MYO5B: variants seen among roughly 807,000 people sequenced by gnomAD.
The protein encoded by MYO5B is unconventional myosin-Vb.
In MYO5B, 143 loss-of-function variants were observed where a neutral mutation model predicts 229.3. The observed-to-expected ratio is 0.62, with a 90% CI of 0.54 to 0.72. The LOEUF is 0.72. Ranked by LOEUF, MYO5B falls within the 30% of genes least tolerant of loss-of-function variation. The pLI, the probability that MYO5B is intolerant of heterozygous loss-of-function variation, is 0.00. For missense variants in MYO5B, 2,321 were observed against 2,331.0 expected (o/e 1.00, Z 0.09); for synonymous variants, 918 against 885.2 (o/e 1.04, Z -0.66).
At chr18:50,064,683 C>T (rs751792071) in intron 1 of MYO5B, among the ~76,000 whole-genome samples, 43 of 152,186 alleles carry the variant, frequency 2.8e-4, no homozygotes, top group Non-Finnish European at 4.9e-4. Context: ...CTATAAAAGA[C>T]CAGTATATTG....
rs375780015 is a variant in MYO5B at position 49,837,740 on chromosome 18, G to A, written c.4915C>T (p.Arg1639Trp). 78 of 1,613,994 alleles carry A rather than the reference G, an allele frequency of 4.8e-5. No individual in the cohort carries two copies. Among genetic ancestry groups the A allele is most frequent in the Non-Finnish European group, 6.1e-5 (72 of 1,180,034 alleles). The part of the protein sequence containing the change: ...GLSGVKPTGY[R>W]KRSSSMADGD... Reference sequence around the variant, plus strand: ...TCTGCCATGCTGGAGGAGCGCTTCCGGTAGCCGGTGGGCTTCACACCAGAT... The same window carrying A: ...TCTGCCATGCTGGAGGAGCGCTTCCAGTAGCCGGTGGGCTTCACACCAGAT... Residue 1639 changes from arginine (R) to tryptophan (W), a missense_variant, in exon 37 of 40, where the codon CGG becomes TGG. Transcript: ENST00000285039.
intron 1 of MYO5B, among the ~76,000 whole-genome samples, chr18:50,111,712 T>C (rs1047838301): frequency 2.6e-5 from 4 of 152,270 alleles, no homozygotes; most frequent in African/African-American, 9.6e-5. Context: ...CTGCAGTTTA[T>C]GCTGATAAAG....
intron 1 of MYO5B, among the ~76,000 whole-genome samples, chr18:50,154,520 G>C (rs1288986865): frequency 6.6e-6 from 1 of 152,224 alleles, no homozygotes; most frequent in Non-Finnish European, 1.5e-5. Context: ...GGAATTCAAA[G>C]AGCATGGGCA....
Position 50,106,818 on chromosome 18 carries a change from A to T in MYO5B, c.28-51440T>A, listed in dbSNP as rs552799530. Among the ~76,000 whole-genome samples the T allele has an allele frequency of 3.9e-5, 6 of 152,338 alleles. No individual in the cohort carries two copies. In the East Asian group the frequency reaches 1.2e-3, roughly 29 times the overall value. On this transcript the variant is annotated intron_variant, in intron 1 of 39. Coordinates refer to ENST00000285039, the MANE Select transcript of MYO5B (RefSeq NM_001080467.3). The stretch of plus-strand genomic sequence containing the variant: ...CACTGCTGTATCGTCAGTGTCTATT[A>T]TAACAGGAACTCAAGGCTTGCCGAT...
At chr18:50,109,721 CAG>C (rs1291357635) in intron 1 of MYO5B, among the ~76,000 whole-genome samples, 10 of 152,164 alleles carry the variant, frequency 6.6e-5, no homozygotes, top group Non-Finnish European at 1.0e-4. Flanking sequence ...CCACCACGAC[CAG>C]CGGTCATGAT....
At chr18:50,051,043 A>T (rs1027518032) in intron 2 of MYO5B, among the ~76,000 whole-genome samples, 1 of 152,244 alleles carries the variant, frequency 6.6e-6, no homozygotes, top group South Asian at 2.1e-4. Flanking sequence ...GTGTTTACAC[A>T]TATGTGCAGG....
intron 1 of MYO5B, among the ~76,000 whole-genome samples, chr18:50,137,691 C>G (rs2032356093): frequency 1.3e-5 from 2 of 152,148 alleles, no homozygotes; most frequent in African/African-American, 4.8e-5. Context: ...CCAATGTTGA[C>G]TGCTGTACTA....
At chr18:50,137,797 A>G (rs572127185) in intron 1 of MYO5B, among the ~76,000 whole-genome samples, 3 of 152,346 alleles carry the variant, frequency 2.0e-5, no homozygotes, top group Admixed American at 1.3e-4. Context: ...AATACTATGC[A>G]GCTATGAAAA....
chr18:50,160,955 C>T (rs749255487), intron 1 of MYO5B, among the ~76,000 whole-genome samples: 6 of 152,196 alleles, frequency 3.9e-5, no homozygotes, highest in African/African-American at 7.2e-5. Flanking sequence ...CATTCTCCCA[C>T]GTTAATTTCC....
chr18:50,194,806 GC>G lies in MYO5B; in HGVS notation c.-14del. On this transcript the variant is annotated 5_prime_UTR_variant, in exon 1 of 40. Transcript: ENST00000285039. The stretch of plus-strand genomic sequence containing the variant: ...CGCCCACCGACATGGCCCGGGCCGG[GC>G]GGGGCTCGGGCCCCGGCTCCTGGCT... The G allele has an allele frequency of 7.4e-7, 1 of 1,347,710 alleles. No homozygotes were observed. The highest frequency in any genetic ancestry group is 3.5e-5 in the Admixed American group (1 of 28,236). The allele number at this position is 1,347,710 out of a possible 1,614,324, so 83.5% of individuals were successfully genotyped here. A position where few individuals can be genotyped will look rare whatever the true frequency, so the allele number is the denominator to read the frequency against.
chr18:49,981,211 T>C (rs907253220), intron 8 of MYO5B, among the ~76,000 whole-genome samples: 3 of 152,240 alleles, frequency 2.0e-5, no homozygotes, highest in African/African-American at 7.2e-5. Flanking sequence ...AATCTCTTAA[T>C]TTGTATTTAG....
intron 9 of MYO5B, among the ~76,000 whole-genome samples, chr18:49,975,097 T>C (rs2025735791): frequency 6.6e-6 from 1 of 152,186 alleles, no homozygotes; most frequent in Non-Finnish European, 1.5e-5. Flanking sequence ...TGCTGAGGTA[T>C]GCATGCAGTG....
intron 1 of MYO5B, among the ~76,000 whole-genome samples, chr18:50,125,948 G>A (rs567463322): frequency 6.6e-6 from 1 of 152,312 alleles, no homozygotes; most frequent in South Asian, 2.1e-4. Context: ...ACCTAGAAGA[G>A]GCAAATCCAT....
At chr18:49,988,080 C>A (rs2025891119) in intron 7 of MYO5B, among the ~76,000 whole-genome samples, 1 of 152,210 alleles carries the variant, frequency 6.6e-6, no homozygotes, top group African/African-American at 2.4e-5. Flanking sequence ...CTGCACCCTC[C>A]ATTCTCAGAC....
At chr18:49,843,461 C>A (rs1447587669) in intron 33 of MYO5B, 69 bp from the exon 34 acceptor site, 2 of 1,535,788 alleles carry the variant, frequency 1.3e-6, no homozygotes, top group Non-Finnish European at 1.8e-6. Context: ...TCAGAATCCT[C>A]ATCTGAATAG....
chr18:50,144,707 A>G (rs1398717344), intron 1 of MYO5B, among the ~76,000 whole-genome samples: 2 of 152,216 alleles, frequency 1.3e-5, no homozygotes, highest in Non-Finnish European at 2.9e-5. Flanking sequence ...TGAGTGAAAC[A>G]TTAACTCAGA....
At chr18:50,138,400 G>A (rs2032367552) in intron 1 of MYO5B, among the ~76,000 whole-genome samples, 1 of 151,404 alleles carries the variant, frequency 6.6e-6, no homozygotes, top group Admixed American at 6.5e-5. Flanking sequence ...AGGGAATCTG[G>A]AGTGTGCCCA....
intron 3 of MYO5B, among the ~76,000 whole-genome samples, chr18:50,037,218 C>CAA (rs1422487626): frequency 1.4e-5 from 2 of 144,048 alleles, no homozygotes; most frequent in Non-Finnish European, 3.0e-5. Context: ...CACACACAAA[C>CAA]ACACACACAC....
At chr18:50,125,193 T>A (rs1395869465) in intron 1 of MYO5B, among the ~76,000 whole-genome samples, 1 of 152,006 alleles carries the variant, frequency 6.6e-6, no homozygotes, top group East Asian at 1.9e-4. Context: ...TTTCTAAATA[T>A]CAAACTGAAC....
Sources: allele counts gnomAD v4.1 joint callset (sites outside exome capture counted in the v4.1 genomes callset), GRCh38; gene constraint gnomAD v4.1.1; transcripts MANE v1.5; gene names NCBI Gene and HGNC (gene_info 2026-07-23, HGNC 2026-07-21).